The following BMPR1A variants were observed in gnomAD, a reference collection of about 807,000 sequenced individuals.
BMPR1A encodes the protein bone morphogenetic protein receptor type 1A, also known as bone morphogenetic protein receptor type-1A.
In BMPR1A, 7 loss-of-function variants were observed where a neutral mutation model predicts 66.0. The observed-to-expected ratio is 0.11, with a 90% CI of 0.06 to 0.20. The LOEUF (loss-of-function observed/expected upper bound fraction) is 0.20. Among genes scored for constraint, BMPR1A ranks in the 10% least tolerant of loss-of-function variants. BMPR1A has a pLI of 1.00. For missense variants in BMPR1A, 408 were observed against 669.1 expected, an observed-to-expected ratio of 0.61 and a Z score of 4.31; for synonymous variants, 200 against 229.7, an observed-to-expected ratio of 0.87 and a Z score of 1.17.
intron 1 of BMPR1A, among the ~76,000 whole-genome samples, chr10:86,795,416 G>GTT (rs10536775): frequency 1.9e-4 from 28 of 149,694 alleles, no homozygotes; most frequent in Admixed American, 2.7e-4. Context: ...AAAGTGATTT[G>GTT]TTTTTTTTTT....
At chr10:86,798,977 G>A in intron 1 of BMPR1A, among the ~76,000 whole-genome samples, 1 of 152,142 alleles carries the variant, frequency 6.6e-6, no homozygotes, top group Admixed American at 6.6e-5. Context: ...TTTGTTTTTA[G>A]AGATTCTGGA....
chr10:86,768,622 A>G (rs1310179828), intron 1 of BMPR1A, among the ~76,000 whole-genome samples: 1 of 152,278 alleles, frequency 6.6e-6, no homozygotes, highest in African/African-American at 2.4e-5. Flanking sequence ...AGAAGGCATT[A>G]ATAGCTTAAA....
At chr10:86,890,308 G>A in intron 4 of BMPR1A, 84 bp downstream of exon 4, 1 of 1,562,060 alleles carries the variant, frequency 6.4e-7, no homozygotes, top group South Asian at 1.2e-5. Flanking sequence ...AAACTTGTCT[G>A]CGGTTTTTTT....
chr10:86,759,098 G>A (rs1840984121), intron 1 of BMPR1A, among the ~76,000 whole-genome samples: 1 of 152,176 alleles, frequency 6.6e-6, no homozygotes, highest in South Asian at 2.1e-4. Context: ...TGGTGCTTGT[G>A]GTGGTGGGAG....
intron 2 of BMPR1A, among the ~76,000 whole-genome samples, chr10:86,867,081 T>C (rs1471484089): frequency 6.6e-6 from 1 of 152,230 alleles, no homozygotes; most frequent in Non-Finnish European, 1.5e-5. Context: ...ATCATCTGTT[T>C]TAGGCTAGAC....
Position 86,909,759 on chromosome 10 carries a change from G to A in BMPR1A, c.531-2481G>A, listed in dbSNP as rs376315612. Among the ~76,000 whole-genome samples the A allele has an allele frequency of 6.6e-5, 10 of 152,124 alleles. No homozygotes were observed. The East Asian group carries it at 1.2e-3, about 18-fold the overall frequency. ...AACTGTATGACATTCAAAGGTAGGC[G>A]AATAAAGATGCTTGATAAAATTAAA... On this transcript the variant is annotated intron_variant, in intron 7 of 12. Coordinates refer to ENST00000372037, the MANE Select transcript of BMPR1A (RefSeq NM_004329.3).
intron 1 of BMPR1A, among the ~76,000 whole-genome samples, chr10:86,789,560 A>C (rs912917146): frequency 6.6e-6 from 1 of 152,008 alleles, no homozygotes; most frequent in Non-Finnish European, 1.5e-5. Flanking sequence ...TAGAAATACA[A>C]AAATTAGCTG....
intron 2 of BMPR1A, chr10:86,855,608 G>GTATT: frequency 1.6e-6 from 1 of 619,600 alleles, no homozygotes; most frequent in Non-Finnish European, 2.9e-6. Flanking sequence ...GAACTCTTGA[G>GTATT]TATTTACTTT....
At chr10:86,823,912 A>G (rs1039000185) in intron 1 of BMPR1A, among the ~76,000 whole-genome samples, 16 of 152,150 alleles carry the variant, frequency 1.1e-4, no homozygotes, top group African/African-American at 3.9e-4. Flanking sequence ...TCGGTTAATC[A>G]TCATGTGTGG....
intron 7 of BMPR1A, among the ~76,000 whole-genome samples, chr10:86,908,395 G>A (rs1433975311): frequency 6.6e-6 from 1 of 152,166 alleles, no homozygotes; most frequent in Non-Finnish European, 1.5e-5. Flanking sequence ...TCCTGAAAAT[G>A]GGCATACCTC....
chr10:86,771,143 T>C (rs185920384), intron 1 of BMPR1A, among the ~76,000 whole-genome samples: 241 of 152,344 alleles, frequency 1.6e-3, no homozygotes, highest in African/African-American at 5.4e-3. Context: ...GATAACCCTT[T>C]TAATTGGAAT....
intron 2 of BMPR1A, among the ~76,000 whole-genome samples, chr10:86,869,195 A>G (rs993267132): frequency 7.9e-5 from 12 of 152,282 alleles, no homozygotes; most frequent in Non-Finnish European, 1.5e-4. Flanking sequence ...GGTGGCTCAC[A>G]CCTGTAATCC....
chr10:86,781,777 CTTG>C (rs1457229227), intron 1 of BMPR1A, among the ~76,000 whole-genome samples: 3 of 149,844 alleles, frequency 2.0e-5, no homozygotes, highest in Admixed American at 1.3e-4. Flanking sequence ...TTATGCAGTA[CTTG>C]TTGTTTTATG....
chr10:86,770,468 T>C (rs1214414699), intron 1 of BMPR1A, among the ~76,000 whole-genome samples: 3 of 152,200 alleles, frequency 2.0e-5, no homozygotes, highest in Admixed American at 6.5e-5. Flanking sequence ...TCAGGTGGGC[T>C]GAGAGCCTCT....
intron 1 of BMPR1A, among the ~76,000 whole-genome samples, chr10:86,801,365 G>A (rs1841808340): frequency 6.6e-6 from 1 of 152,112 alleles, no homozygotes; most frequent in Non-Finnish European, 1.5e-5. Context: ...TTGAACTCCT[G>A]GGCCCACTCA....
At chr10:86,909,580 C>T (rs1843446518) in intron 7 of BMPR1A, among the ~76,000 whole-genome samples, 1 of 145,304 alleles carries the variant, frequency 6.9e-6, no homozygotes, top group African/African-American at 2.6e-5. Flanking sequence ...GAGTGAGACC[C>T]TATCTCAAAA....
intron 3 of BMPR1A, among the ~76,000 whole-genome samples, chr10:86,885,433 G>C (rs1055817997): frequency 3.9e-5 from 6 of 152,154 alleles, no homozygotes; most frequent in Non-Finnish European, 7.3e-5. Flanking sequence ...CTATATCTCT[G>C]CTGTCTTGTG....
intron 2 of BMPR1A, among the ~76,000 whole-genome samples, chr10:86,839,911 C>G (rs937121102): frequency 1.3e-5 from 2 of 152,094 alleles, no homozygotes; most frequent in Non-Finnish European, 2.9e-5. Context: ...ATCCTCCCAC[C>G]TCAACCTCCC....
At chr10:86,865,412 C>T (rs1039074129) in intron 2 of BMPR1A, among the ~76,000 whole-genome samples, 1 of 152,200 alleles carries the variant, frequency 6.6e-6, no homozygotes, top group Non-Finnish European at 1.5e-5. Context: ...CCCCACTCTG[C>T]CCGCCAGAGA....
Sources: allele counts gnomAD v4.1 joint callset (sites outside exome capture counted in the v4.1 genomes callset), GRCh38; gene constraint gnomAD v4.1.1; transcripts MANE v1.5; gene names NCBI Gene and HGNC (gene_info 2026-07-23, HGNC 2026-07-21).